PCDHGB1: variants seen among roughly 807,000 people sequenced by gnomAD.
PCDHGB1 encodes protocadherin gamma-B1.
In PCDHGB1, 34 loss-of-function variants were observed where a neutral mutation model predicts 56.6. That is an observed-to-expected ratio of 0.60 (90% CI 0.46 to 0.80). PCDHGB1 has a LOEUF of 0.80. Ranked by LOEUF, PCDHGB1 falls within the 30% of genes least tolerant of loss-of-function variation. The probability of loss-of-function intolerance (pLI) is 0.00; values close to 1 mark genes in which losing one functional copy is unlikely to be tolerated. For synonymous variants in PCDHGB1, 561 were observed against 505.9 expected (o/e 1.11, Z -1.46); for missense variants, 1,278 against 1,204.6 (o/e 1.06, Z -0.90).
intron 1 of PCDHGB1, among the ~76,000 whole-genome samples, chr5:141,494,361 G>A (rs1311268562): frequency 6.6e-6 from 1 of 152,184 alleles, no homozygotes; most frequent in African/African-American, 2.4e-5. Flanking sequence ...TGCTGCAGAG[G>A]ATGCTTTGTT....
chr5:141,433,837 C>CAAAAAA (rs56191208), intron 1 of PCDHGB1, among the ~76,000 whole-genome samples: 2 of 111,692 alleles, frequency 1.8e-5, no homozygotes, highest in Non-Finnish European at 3.9e-5. Context: ...AACTCTATCT[C>CAAAAAA]AAAAAAAAAA....
intron 1 of PCDHGB1, chr5:141,362,082 A>G: frequency 1.2e-6 from 2 of 1,612,988 alleles, no homozygotes; most frequent in Non-Finnish European, 1.7e-6. Context: ...TGCGTGATGG[A>G]GGACAGCCGC....
chr5:141,353,381 T>C (rs1759264940), intron 1 of PCDHGB1, among the ~76,000 whole-genome samples: 1 of 152,234 alleles, frequency 6.6e-6, no homozygotes, highest in Non-Finnish European at 1.5e-5. Context: ...TATGTATTAA[T>C]GTAATTATGT....
intron 1 of PCDHGB1, among the ~76,000 whole-genome samples, chr5:141,455,732 A>G (rs1056074268): frequency 6.6e-6 from 1 of 152,190 alleles, no homozygotes; most frequent in Non-Finnish European, 1.5e-5. Context: ...CTGCATTTGC[A>G]TATCAAAGGT....
At chr5:141,420,252 C>T (rs745697672) in intron 1 of PCDHGB1, 1 of 1,576,604 alleles carries the variant, frequency 6.3e-7, no homozygotes, top group Non-Finnish European at 8.6e-7. Flanking sequence ...AGCGTTGAAG[C>T]AGATAAGAAG....
At chr5:141,399,621 C>G (rs757586675) in intron 1 of PCDHGB1, 1 of 1,613,948 alleles carries the variant, frequency 6.2e-7, no homozygotes. Context: ...TGGCACTGGC[C>G]TCTTACGTGT....
chr5:141,385,704 T>C (rs1297599541), intron 1 of PCDHGB1: 1 of 268,260 alleles, frequency 3.7e-6, no homozygotes. Context: ...CTCTTTAGCA[T>C]TCAAATATGT....
chr5:141,413,660 T>C (rs747874019), intron 1 of PCDHGB1: 5 of 1,613,752 alleles, frequency 3.1e-6, no homozygotes, highest in Non-Finnish European at 4.2e-6. Flanking sequence ...CCGGAAGCTA[T>C]TGATCCGGAT....
At chr5:141,438,583 CATACATACATATATATATATATATATAT>C (rs1227221577) in intron 1 of PCDHGB1, among the ~76,000 whole-genome samples, 1 of 57,610 alleles carries the variant, frequency 1.7e-5, no homozygotes, top group African/African-American at 9.0e-5. Flanking sequence ...TACATACATA[CATACATACATATATATATATATATATAT>C]ATATATATAT....
intron 1 of PCDHGB1, chr5:141,408,042 C>T (rs2095031452): frequency 1.7e-6 from 2 of 1,204,046 alleles, no homozygotes; most frequent in Non-Finnish European, 2.2e-6. Flanking sequence ...AACCAGCTCC[C>T]ACACAGAGCC....
intron 1 of PCDHGB1, chr5:141,415,272 A>G (rs771588742): frequency 1.3e-5 from 21 of 1,614,208 alleles, no homozygotes; most frequent in African/African-American, 9.3e-5. Context: ...ACCTGGTGGT[A>G]GCGGTGGCCG....
intron 1 of PCDHGB1, chr5:141,375,961 G>A: frequency 6.2e-7 from 1 of 1,613,370 alleles, no homozygotes; most frequent in Non-Finnish European, 8.5e-7. Flanking sequence ...CGGGCGAGGT[G>A]CGCACGGCGC....
In PCDHGB1 at chr5:141,431,482, G is replaced by C. The variant is rs781371030; in HGVS notation, c.2410-63325G>C. ...TGGATGCGAACGACAACGCACCAGCGTTTGCTCAGCCCGAGTACCGCGCGA... is the reference window on the plus strand; with the variant it reads ...TGGATGCGAACGACAACGCACCAGCCTTTGCTCAGCCCGAGTACCGCGCGA... On this transcript the variant is annotated intron_variant, in intron 1 of 3. Coordinates refer to ENST00000523390, the MANE Select transcript of PCDHGB1 (RefSeq NM_018922.3). The surrounding 1 kb of genome is among the most constrained non-coding windows in gnomAD (Gnocchi z 4.8). The C allele has an allele frequency of 6.8e-6, 11 of 1,613,800 alleles. No individual in the cohort carries two copies. The Admixed American group carries it at 1.3e-4, about 20-fold the overall frequency.
At chr5:141,370,286 A>G in intron 1 of PCDHGB1, 1 of 968,422 alleles carries the variant, frequency 1.0e-6, no homozygotes, top group Admixed American at 2.9e-5. Context: ...CCATTAGAGA[A>G]CCCAAGCACA....
chr5:141,428,061 G>A (rs755817800), intron 1 of PCDHGB1: 1 of 1,609,154 alleles, frequency 6.2e-7, no homozygotes, highest in South Asian at 1.1e-5. Flanking sequence ...GGTGGCGGTG[G>A]ACGCAGATTC....
intron 1 of PCDHGB1, chr5:141,372,478 C>T (rs548499010): frequency 6.2e-7 from 1 of 1,614,068 alleles, no homozygotes; most frequent in South Asian, 1.1e-5. Context: ...CTAGTAGTGG[C>T]GTTGGCCTTG....
chr5:141,354,034 C>T (rs907415407), intron 1 of PCDHGB1, among the ~76,000 whole-genome samples: 6 of 152,120 alleles, frequency 3.9e-5, no homozygotes, highest in African/African-American at 1.2e-4. Flanking sequence ...AGAAAGAAAG[C>T]GATGGCACAT....
rs779651957 is a variant in PCDHGB1, at chr5:141,431,167, T to G, written c.2410-63640T>G. 2 of 1,614,118 alleles carry G rather than the reference T, an allele frequency of 1.2e-6. No individual in the cohort carries two copies. Among genetic ancestry groups the G allele is most frequent in the Non-Finnish European group, 1.7e-6 (2 of 1,180,014 alleles). The stretch of plus-strand genomic sequence containing the variant: ...ACAATGCGCCTTACTTTCGTGAAAG[T>G]GAATTAGAAATAAAAATTAGTGAAA... On this transcript the variant is annotated intron_variant, in intron 1 of 3. Transcript: ENST00000523390. The surrounding 1 kb of genome is among the most constrained non-coding windows in gnomAD (Gnocchi z 4.8).
intron 1 of PCDHGB1, chr5:141,376,291 C>G (rs780024608): frequency 6.2e-6 from 10 of 1,614,040 alleles, no homozygotes; most frequent in South Asian, 1.1e-5. Flanking sequence ...CGAGCATGCC[C>G]GGCTCGCACT....
Sources: allele counts gnomAD v4.1 joint callset (sites outside exome capture counted in the v4.1 genomes callset), GRCh38; gene constraint gnomAD v4.1.1; non-coding constraint Gnocchi (gnomAD v3.1); transcripts MANE v1.5; gene names NCBI Gene and HGNC (gene_info 2026-07-23, HGNC 2026-07-21).